The following NDRG4 variants were observed in gnomAD, a reference collection of about 807,000 sequenced individuals.
NDRG4 encodes the protein NDRG family member 4.
In NDRG4, 38 loss-of-function variants were observed where a neutral mutation model predicts 55.8. The ratio of observed to expected loss-of-function variants is 0.68; its 90% CI spans 0.53 to 0.89. The LOEUF is 0.89. NDRG4 is among the 40% of genes least tolerant of loss of function. NDRG4 has a pLI of 0.00. For missense variants in NDRG4, 455 were observed against 468.6 expected (o/e 0.97, Z 0.27); for synonymous variants, 190 against 182.7 (o/e 1.04, Z -0.32).
chr16:58,505,334 G>C (rs1371368388), intron 5 of NDRG4, among the ~76,000 whole-genome samples: 1 of 150,694 alleles, frequency 6.6e-6, no homozygotes, highest in African/African-American at 2.5e-5. Flanking sequence ...GGGCAACAGA[G>C]CGAGACTCTG....
At chr16:58,498,208 C>A (rs1395681379), upstream of NDRG4, among the ~76,000 whole-genome samples, 1 of 152,100 alleles carries the variant, frequency 6.6e-6, no homozygotes, top group Non-Finnish European at 1.5e-5. Flanking sequence ...GAGGGCAGGG[C>A]TGTGCCTCAG....
intron 1 of NDRG4, among the ~76,000 whole-genome samples, chr16:58,478,367 C>T (rs930393256): frequency 4.1e-5 from 6 of 145,654 alleles, no homozygotes; most frequent in South Asian, 2.2e-4. Context: ...CCAGCCTGGG[C>T]GACAATATGA....
intron 14 of NDRG4, chr16:58,511,007 G>A (rs1258276013): frequency 3.9e-6 from 2 of 507,150 alleles, no homozygotes; most frequent in Admixed American, 6.6e-5. Flanking sequence ...GAGAGTTCCG[G>A]AGGGTAGAGT....
At chr16:58,487,839 G>T in exon 2 of NDRG4, 1 of 1,540,120 alleles carries the variant, frequency 6.5e-7, no homozygotes, top group Non-Finnish European at 8.8e-7. Flanking sequence ...GGGCCAGGAC[G>T]CCACCGAGCT....
intron 8 of NDRG4, chr16:58,507,424 C>G: frequency 2.8e-6 from 1 of 357,152 alleles, no homozygotes; most frequent in Non-Finnish European, 5.1e-6. Context: ...TGGCCAGGCC[C>G]CCTCACTCAC....
At chr16:58,494,308 G>T (rs2036141264) in intron 2 of NDRG4, among the ~76,000 whole-genome samples, 1 of 152,192 alleles carries the variant, frequency 6.6e-6, no homozygotes. Context: ...ACTTTGTGTG[G>T]ATTGGAAAAG....
intron 1 of NDRG4, among the ~76,000 whole-genome samples, chr16:58,487,078 G>A (rs957930529): frequency 6.6e-6 from 1 of 152,088 alleles, no homozygotes; most frequent in Admixed American, 6.6e-5. Flanking sequence ...GAGGCCCTCG[G>A]CAGGGGACTT....
At chr16:58,500,027 T>C, upstream of NDRG4, 1 of 1,304,262 alleles carries the variant, frequency 7.7e-7, no homozygotes, top group East Asian at 2.7e-5. Flanking sequence ...CAGCAGCCAA[T>C]ATGGGAGCTG....
intron 1 of NDRG4, among the ~76,000 whole-genome samples, chr16:58,476,137 T>C (rs149207942): frequency 6.6e-6 from 1 of 152,226 alleles, no homozygotes; most frequent in African/African-American, 2.4e-5. Flanking sequence ...AGTAACATGC[T>C]TCCATTTACC....
chr16:58,504,878 GA>G (rs764086646), intron 5 of NDRG4: 1 of 570,426 alleles, frequency 1.8e-6, no homozygotes, highest in Non-Finnish European at 3.1e-6. Context: ...CAAGAGACTA[GA>G]AACTATAACT....
At position 58,466,916 on chromosome 16, in the gene NDRG4, G is replaced by A. The variant is rs541720968; in HGVS notation, c.-24+3119G>A. Among the ~76,000 whole-genome samples the A allele has an allele frequency of 5.5e-4, 83 of 152,242 alleles. 1 individual carries two copies. The highest frequency in any genetic ancestry group is 9.2e-4 in the Admixed American group (14 of 15,292). On this transcript the variant is annotated intron_variant, in intron 1 of 15. Coordinates refer to the NDRG4 transcript ENST00000258187. ...CTAGACCCTGGTGGGCACCTCTTGG[G>A]CCCCACCTGTCCTGGCTGGTTGGCA...
At chr16:58,506,133 CGTGTGTGTGTGT>C in intron 5 of NDRG4, 3 of 539,520 alleles carry the variant, frequency 5.6e-6, no homozygotes, top group Middle Eastern at 2.9e-4. Context: ...GTTGAAAGAG[CGTGTGTGTGTGT>C]GTGTGTGTGT....
chr16:58,469,471 T>G (rs2032353970), intron 1 of NDRG4, among the ~76,000 whole-genome samples: 1 of 152,196 alleles, frequency 6.6e-6, no homozygotes, highest in Admixed American at 6.5e-5. Flanking sequence ...TAAAAATATG[T>G]GTGATCTCTG....
chr16:58,500,509 T>G (rs1597266906), intron 1 of NDRG4: 68 of 289,082 alleles, frequency 2.4e-4, no homozygotes, highest in Non-Finnish European at 2.5e-4. Flanking sequence ...GGGGGGAGCG[T>G]GTGGTTGGGG....
At chr16:58,510,720 C>T in intron 14 of NDRG4, 37 bp downstream of exon 14, 2 of 1,527,082 alleles carry the variant, frequency 1.3e-6, no homozygotes, top group Non-Finnish European at 1.8e-6. Flanking sequence ...CATGGACGCC[C>T]AGCCTCCTCC....
intron 1 of NDRG4, among the ~76,000 whole-genome samples, chr16:58,478,698 T>TTTTG (rs1555528520): frequency 3.1e-3 from 1 of 322 alleles, no homozygotes; most frequent in Admixed American, 0.026. Context: ...TTGTTTTTTG[T>TTTTG]TTTTTTTTTT....
chr16:58,511,761 TC>T lies in NDRG4; in HGVS notation c.*187del. ...CCAGGTGTTTTAAGGGGCTCAGTCCTCCTCATCCCATCTCACTCTCCGTGGT... is the reference window on the plus strand; with the variant it reads ...CCAGGTGTTTTAAGGGGCTCAGTCCTCTCATCCCATCTCACTCTCCGTGGT... On this transcript the variant is annotated 3_prime_UTR_variant, in exon 15 of 15. Transcript: ENST00000570248. The T allele has an allele frequency of 1.4e-6, 1 of 735,484 alleles. No homozygotes were observed. The highest frequency in any genetic ancestry group is 2.8e-5 in the East Asian group (1 of 35,932). The allele number at this position is 735,484 out of a possible 1,614,324, so 45.6% of individuals were successfully genotyped here.
chr16:58,483,024 G>A (rs963884936), intron 1 of NDRG4, among the ~76,000 whole-genome samples: 4 of 152,092 alleles, frequency 2.6e-5, no homozygotes, highest in Non-Finnish European at 1.5e-5. Context: ...GGCTTCAAGT[G>A]ATCCACCTGC....
intron 1 of NDRG4, chr16:58,475,796 T>G: frequency 2.6e-6 from 1 of 379,196 alleles, no homozygotes. Flanking sequence ...AAGAATGGCA[T>G]GTCTCCCCTT....
Sources: allele counts gnomAD v4.1 joint callset (sites outside exome capture counted in the v4.1 genomes callset), GRCh38; gene constraint gnomAD v4.1.1; transcripts MANE v1.5; gene names NCBI Gene and HGNC (gene_info 2026-07-23, HGNC 2026-07-21).